The following GFRA1 variants were observed in gnomAD, a reference collection of about 807,000 sequenced individuals.
GFRA1 encodes the protein GDNF family receptor alpha-1.
Under a neutral mutation model 51.6 loss-of-function variants are expected in GFRA1, and 16 were observed. The observed-to-expected ratio is 0.31, with a 90% CI of 0.21 to 0.47. GFRA1 has a LOEUF of 0.47. Ranked by LOEUF, GFRA1 falls within the 20% of genes least tolerant of loss-of-function variation. The pLI is 1.00. For missense variants in GFRA1, 530 were observed against 594.3 expected (o/e 0.89, Z 1.13); for synonymous variants, 270 against 241.3 (o/e 1.12, Z -1.10).
In GFRA1 at chr10:116,218,771, T is replaced by G. The variant is rs75106979; in HGVS notation, c.419-7126A>C. Reference sequence around the variant, plus strand: ...AAGGCCTCACTCCGCATCTCCAGCCTTCTAAGCCAAAAATGACAACCGCTC... The same window carrying G: ...AAGGCCTCACTCCGCATCTCCAGCCGTCTAAGCCAAAAATGACAACCGCTC... On this transcript the variant is annotated intron_variant, in intron 4 of 10. Coordinates refer to ENST00000355422, the MANE Select transcript of GFRA1 (RefSeq NM_005264.8). Among the ~76,000 whole-genome samples the G allele has an allele frequency of 6.7e-4, 102 of 152,294 alleles. 2 individuals carry two copies. In the East Asian group the frequency reaches 0.018, roughly 27 times the overall value.
rs61071609 is a variant in GFRA1 at position 116,260,520 on chromosome 10, G to A, written c.418+8983C>T. ...TCCTGTGGCTGGAGAGCTATCCTGAGTCATTTTTATTTTTACAACAGCCTA... is the reference window on the plus strand; with the variant it reads ...TCCTGTGGCTGGAGAGCTATCCTGAATCATTTTTATTTTTACAACAGCCTA... On this transcript the variant is annotated intron_variant, in intron 4 of 10. Transcript: ENST00000355422. Among the ~76,000 whole-genome samples the A allele has an allele frequency of 5.9e-5, 9 of 152,266 alleles. No homozygotes were observed. The East Asian group carries it at 1.7e-3, about 29-fold the overall frequency.
intron 4 of GFRA1, among the ~76,000 whole-genome samples, chr10:116,231,540 T>G (rs1201349117): frequency 6.6e-6 from 1 of 152,222 alleles, no homozygotes; most frequent in Non-Finnish European, 1.5e-5. Context: ...TTTTTTAAAG[T>G]GTACCTATGT....
Position 116,058,240 on chromosome 10 carries a change from CTT to C in GFRA1, c.*6156_*6157del, listed in dbSNP as rs1252595024. 3 of 152,258 alleles carry C rather than the reference CTT, an allele frequency of 2.0e-5. No homozygotes were observed. Among genetic ancestry groups the C allele is most frequent in the African/African-American group, 7.2e-5 (3 of 41,450 alleles). The allele number at this position is 152,258 out of a possible 1,614,324, so 9.4% of individuals were successfully genotyped here. A position where few individuals can be genotyped will look rare whatever the true frequency, so the allele number is the denominator to read the frequency against. The stretch of plus-strand genomic sequence containing the variant: ...ATTCTTCTTCCTACTTCACTCTAGT[CTT>C]AGGATCTGTGTTATGCTTGCAGGTG... On this transcript the variant is annotated 3_prime_UTR_variant, in exon 11 of 11. Transcript: ENST00000355422.
In GFRA1 at chr10:116,096,646, G is replaced by A. The variant is rs372028199; in HGVS notation, c.880+9C>T. The A allele has an allele frequency of 3.9e-5, 57 of 1,477,356 alleles. No individual in the cohort carries two copies. Among genetic ancestry groups the A allele is most frequent in the South Asian group, 5.7e-5 (5 of 87,906 alleles). The allele number at this position is 1,477,356 out of a possible 1,614,324, so 91.5% of individuals were successfully genotyped here. On this transcript the variant is annotated intron_variant, in intron 7 of 10. Transcript: ENST00000355422. Reference sequence around the variant, plus strand: ...ACTCTTCTCCCATCCTGCTTCTCTCGGATCTTACCAATAAGCCCCGAGTAG... The same window carrying A: ...ACTCTTCTCCCATCCTGCTTCTCTCAGATCTTACCAATAAGCCCCGAGTAG...
intron 6 of GFRA1, among the ~76,000 whole-genome samples, chr10:116,110,764 G>A (rs1957176686): frequency 6.6e-6 from 1 of 152,194 alleles, no homozygotes; most frequent in South Asian, 2.1e-4. Flanking sequence ...TGTGTAAAAG[G>A]TGGTGGCCAT....
chr10:116,222,737 C>G (rs1197732109), intron 4 of GFRA1, among the ~76,000 whole-genome samples: 1 of 152,152 alleles, frequency 6.6e-6, no homozygotes, highest in Non-Finnish European at 1.5e-5. Flanking sequence ...CAAGATCAAC[C>G]AAATTCTTTG....
intron 5 of GFRA1, among the ~76,000 whole-genome samples, chr10:116,128,725 CAAAAA>C (rs67642059): frequency 0.029 from 2,553 of 87,706 alleles, 43 homozygotes; most frequent in African/African-American, 0.075. Flanking sequence ...GACTCTGTCT[CAAAAA>C]AAAAAAAAAA....
intron 6 of GFRA1, among the ~76,000 whole-genome samples, chr10:116,109,248 C>T (rs1041591590): frequency 3.3e-5 from 5 of 152,114 alleles, no homozygotes; most frequent in South Asian, 4.1e-4. Flanking sequence ...TGAGCTCATA[C>T]GCACCCGCAC....
intron 4 of GFRA1, among the ~76,000 whole-genome samples, chr10:116,244,822 G>A (rs1967734161): frequency 1.3e-5 from 2 of 151,964 alleles, no homozygotes; most frequent in Admixed American, 1.3e-4. Context: ...TTTTCCAGAA[G>A]TAAACAAAAA....
intron 9 of GFRA1, among the ~76,000 whole-genome samples, chr10:116,078,745 T>A (rs771749700): frequency 1.2e-4 from 19 of 152,224 alleles, no homozygotes; most frequent in Middle Eastern, 3.4e-3. Context: ...ACAGTCTGTA[T>A]CACACAGAGA....
chr10:116,130,311 C>T (rs1397105435), intron 5 of GFRA1, among the ~76,000 whole-genome samples: 1 of 151,846 alleles, frequency 6.6e-6, no homozygotes, highest in African/African-American at 2.4e-5. Flanking sequence ...ATTATTACAA[C>T]AAAGAAGGTA....
intron 4 of GFRA1, among the ~76,000 whole-genome samples, chr10:116,268,709 T>C (rs192019671): frequency 1.3e-5 from 2 of 152,224 alleles, no homozygotes; most frequent in African/African-American, 2.4e-5. Flanking sequence ...GGTGGCTATA[T>C]ATACTTGAGA....
chr10:116,231,075 C>T (rs927362387), intron 4 of GFRA1, among the ~76,000 whole-genome samples: 1 of 152,290 alleles, frequency 6.6e-6, no homozygotes, highest in African/African-American at 2.4e-5. Flanking sequence ...AACATTACTA[C>T]ATCTTTTGAA....
At chr10:116,176,937 G>A (rs1320143729) in intron 5 of GFRA1, among the ~76,000 whole-genome samples, 1 of 152,204 alleles carries the variant, frequency 6.6e-6, no homozygotes, top group Non-Finnish European at 1.5e-5. Context: ...TTGCAGAGAA[G>A]GAACTTTTAA....
At chr10:116,228,810 A>G (rs942648297) in intron 4 of GFRA1, among the ~76,000 whole-genome samples, 3 of 151,708 alleles carry the variant, frequency 2.0e-5, no homozygotes, top group Non-Finnish European at 4.4e-5. Context: ...GTGAAACCCC[A>G]TCTCTACTAA....
chr10:116,243,743 A>C (rs1967611129), intron 4 of GFRA1, among the ~76,000 whole-genome samples: 1 of 152,114 alleles, frequency 6.6e-6, no homozygotes, highest in Non-Finnish European at 1.5e-5. Context: ...TGTCCTGAGA[A>C]CCACTGTGAC....
chr10:116,200,146 C>T (rs1169180241), intron 5 of GFRA1, among the ~76,000 whole-genome samples: 1 of 152,176 alleles, frequency 6.6e-6, no homozygotes, highest in Non-Finnish European at 1.5e-5. Flanking sequence ...CAGTTTGAGG[C>T]TATTATGAAT....
intron 8 of GFRA1, among the ~76,000 whole-genome samples, chr10:116,090,504 T>C (rs1956290416): frequency 1.3e-5 from 2 of 151,892 alleles, no homozygotes; most frequent in African/African-American, 2.4e-5. Flanking sequence ...AAGATTATTT[T>C]TTTTCTTTCT....
intron 5 of GFRA1, among the ~76,000 whole-genome samples, chr10:116,138,218 C>T (rs772690002): frequency 1.3e-5 from 2 of 152,106 alleles, no homozygotes; most frequent in African/African-American, 4.8e-5. Context: ...CATTATTTCT[C>T]GTTCATGGAA....
Sources: gnomAD v4.1 joint callset for allele counts (sites outside exome capture counted in the v4.1 genomes callset) on GRCh38, gnomAD v4.1.1 for gene constraint, MANE v1.5 for transcripts, NCBI Gene and HGNC (gene_info 2026-07-23, HGNC 2026-07-21) for gene names.